DYNC1LI1: variants seen among roughly 807,000 people sequenced by gnomAD.
The protein encoded by DYNC1LI1 is dynein cytoplasmic 1 light intermediate chain 1, also known as cytoplasmic dynein 1 light intermediate chain 1.
In DYNC1LI1, 19 loss-of-function variants were observed where a neutral mutation model predicts 63.8. The ratio of observed to expected loss-of-function variants is 0.30; its 90% CI spans 0.21 to 0.44. DYNC1LI1 has a LOEUF of 0.44. Ranked by LOEUF, DYNC1LI1 falls within the 20% of genes least tolerant of loss-of-function variation. The pLI is 1.00. For missense variants in DYNC1LI1, 565 were observed against 630.2 expected (o/e 0.90, Z 1.11); for synonymous variants, 225 against 232.3 (o/e 0.97, Z 0.28).
rs1697739141 is a variant in DYNC1LI1 at position 32,533,920 on chromosome 3, A to C, written c.968+591T>G. 6.5e-5 allele frequency among the ~76,000 whole-genome samples: 9 copies of C among 139,354 alleles called. 1 individual carries two copies. In the South Asian group the frequency reaches 2.0e-3, roughly 31 times the overall value. The allele number at this position is 139,354 out of a possible 152,430, so 91.4% of individuals were successfully genotyped here. ...GAAATGGAGTCTCGATCTGTCACCT[A>C]AGCTGGAGTGAAGTGGTGCGATTTC... On this transcript the variant is annotated intron_variant, in intron 7 of 12. Coordinates refer to ENST00000273130, the MANE Select transcript of DYNC1LI1 (RefSeq NM_016141.4).
intron 10 of DYNC1LI1, 54 bp from the exon 11 acceptor site, chr3:32,529,714 A>T (rs1223268784): frequency 5.5e-6 from 8 of 1,467,430 alleles, no homozygotes; most frequent in Non-Finnish European, 7.4e-6. Flanking sequence ...TCATTTTCAC[A>T]AAAGTTATTA....
At chr3:32,537,962 A>T (rs867302235) in intron 5 of DYNC1LI1, among the ~76,000 whole-genome samples, 141 of 2,826 alleles carry the variant, frequency 0.05, 12 homozygotes, top group Middle Eastern at 0.1. Context: ...TATATATATA[A>T]TATATATATA....
intron 7 of DYNC1LI1, among the ~76,000 whole-genome samples, chr3:32,533,640 A>G (rs1697734127): frequency 6.9e-6 from 1 of 145,924 alleles, no homozygotes; most frequent in Non-Finnish European, 1.5e-5. Flanking sequence ...ACCATGGCTC[A>G]CTGCAGCCTC....
chr3:32,553,930 A>G (rs551433360), intron 2 of DYNC1LI1, among the ~76,000 whole-genome samples: 1 of 152,242 alleles, frequency 6.6e-6, no homozygotes, highest in South Asian at 2.1e-4. Flanking sequence ...TTTGGGAGCC[A>G]TGGTGGCTCA....
intron 2 of DYNC1LI1, chr3:32,566,838 AC>A (rs1399492488): frequency 1.3e-5 from 4 of 318,018 alleles, no homozygotes; most frequent in African/African-American, 4.5e-5. Flanking sequence ...TCTTAAAAAA[AC>A]AATTTAGAGG....
At chr3:32,558,013 T>TA (rs1002068461) in intron 2 of DYNC1LI1, among the ~76,000 whole-genome samples, 4 of 152,042 alleles carry the variant, frequency 2.6e-5, no homozygotes, top group African/African-American at 9.7e-5. Flanking sequence ...AGGGCATATT[T>TA]AAAAAAACAA....
chr3:32,550,841 TC>T (rs1410051029), intron 2 of DYNC1LI1, among the ~76,000 whole-genome samples: 2 of 152,066 alleles, frequency 1.3e-5, no homozygotes, highest in Non-Finnish European at 2.9e-5. Context: ...TGAAAACCAT[TC>T]CATGGCTGGA....
intron 12 of DYNC1LI1, 95 bp downstream of exon 12, chr3:32,528,351 A>G: frequency 6.9e-7 from 1 of 1,441,504 alleles, no homozygotes; most frequent in Non-Finnish European, 9.6e-7. Context: ...CAAAGATACC[A>G]AAACCACAGA....
At chr3:32,554,403 A>G (rs1373935423) in intron 2 of DYNC1LI1, among the ~76,000 whole-genome samples, 2 of 152,204 alleles carry the variant, frequency 1.3e-5, no homozygotes, top group African/African-American at 4.8e-5. Context: ...TTATTTCCCC[A>G]CCCTGTGATT....
Position 32,526,610 on chromosome 3 carries a change from G to GA in DYNC1LI1, c.*188dup. On this transcript the variant is annotated 3_prime_UTR_variant, in exon 13 of 13. Transcript: ENST00000273130. ...GCAAACAGCAATCCTACATAATGTA[G>GA]AATAATTTTTCTTCTGTACGGCTCC... 1 of 460,956 alleles carries GA rather than the reference G, an allele frequency of 2.2e-6. No homozygotes were observed. The allele number at this position is 460,956 out of a possible 1,614,324, so 28.6% of individuals were successfully genotyped here.
intron 2 of DYNC1LI1, among the ~76,000 whole-genome samples, chr3:32,562,724 A>G (rs1430314978): frequency 6.6e-6 from 1 of 152,180 alleles, no homozygotes; most frequent in African/African-American, 2.4e-5. Context: ...TTTGAGAGGA[A>G]AGTGTTTTAG....
rs141546931 is a variant in DYNC1LI1, at chr3:32,555,168, C to T, written c.221-9203G>A. 3.2e-4 allele frequency among the ~76,000 whole-genome samples: 49 copies of T among 152,278 alleles called. 1 individual carries two copies. The highest frequency in any genetic ancestry group is 9.9e-4 in the African/African-American group (41 of 41,554). On this transcript the variant is annotated intron_variant, in intron 2 of 12. Transcript: ENST00000273130. ...TATGGCATGAGCCACCTCATCAGAC[C>T]CTGGTAATTGAAAATTGAACATTCA...
intron 2 of DYNC1LI1, among the ~76,000 whole-genome samples, chr3:32,569,178 C>T (rs879361629): frequency 2.0e-5 from 3 of 152,166 alleles, no homozygotes; most frequent in Non-Finnish European, 4.4e-5. Context: ...TGTCAAGCAA[C>T]TTGCTTAAGA....
At position 32,536,991 on chromosome 3, in the gene DYNC1LI1, A is replaced by C. The variant is rs1697782836; in HGVS notation, c.832+20T>G. The stretch of plus-strand genomic sequence containing the variant: ...AGGTAAAGTGATACACTGAATCAAT[A>C]AATGTATTTAAAAGGATACACTGTA... On this transcript the variant is annotated intron_variant, in intron 6 of 12. Transcript: ENST00000273130. 3.0e-6 allele frequency: 4 copies of C among 1,345,956 alleles called. No homozygotes were observed. The highest frequency in any genetic ancestry group is 2.9e-5 in the African/African-American group (2 of 68,194). The allele number at this position is 1,345,956 out of a possible 1,614,324, so 83.4% of individuals were successfully genotyped here. A position where few individuals can be genotyped will look rare whatever the true frequency, so the allele number is the denominator to read the frequency against.
intron 1 of DYNC1LI1, 83 bp downstream of exon 1, chr3:32,570,542 A>C: frequency 6.7e-7 from 1 of 1,502,816 alleles, no homozygotes; most frequent in Non-Finnish European, 8.9e-7. Context: ...CCCGGCGCCG[A>C]GCTCCAGCGG....
intron 2 of DYNC1LI1, among the ~76,000 whole-genome samples, chr3:32,563,511 C>G (rs533855922): frequency 6.6e-6 from 1 of 152,156 alleles, no homozygotes; most frequent in East Asian, 1.9e-4. Flanking sequence ...AGGCTGGTCT[C>G]GAACTCATGA....
intron 8 of DYNC1LI1, chr3:32,532,507 A>ATATATATATATAT (rs1553617333): frequency 1.4e-5 from 2 of 147,588 alleles, no homozygotes; most frequent in African/African-American, 2.5e-5. Context: ...ATATATATAT[A>ATATATATATATAT]AAATTGAAAG....
At chr3:32,559,058 C>CTTTTT (rs113088362) in intron 2 of DYNC1LI1, among the ~76,000 whole-genome samples, 32 of 141,692 alleles carry the variant, frequency 2.3e-4, no homozygotes, top group African/African-American at 6.5e-4. Flanking sequence ...ATTACTACTA[C>CTTTTT]TTTTTTTTTT....
At chr3:32,546,456 T>C (rs1030902193) in intron 2 of DYNC1LI1, among the ~76,000 whole-genome samples, 1 of 152,122 alleles carries the variant, frequency 6.6e-6, no homozygotes, top group African/African-American at 2.4e-5. Context: ...TGACCAGGAT[T>C]CTCTCTCCGT....
Sources: allele counts gnomAD v4.1 joint callset (sites outside exome capture counted in the v4.1 genomes callset), GRCh38; gene constraint gnomAD v4.1.1; transcripts MANE v1.5; gene names NCBI Gene and HGNC (gene_info 2026-07-23, HGNC 2026-07-21).